The following ADAMTS6 variants were observed in gnomAD, a reference collection of about 807,000 sequenced individuals.
The protein encoded by ADAMTS6 is A disintegrin and metalloproteinase with thrombospondin motifs 6.
A neutral mutation model predicts 144.3 loss-of-function variants in ADAMTS6; 23 were observed. The observed-to-expected ratio is 0.16, with a 90% CI of 0.11 to 0.23. The LOEUF (loss-of-function observed/expected upper bound fraction) is 0.23, where lower values mean the gene tolerates loss of function less well. Among genes scored for constraint, ADAMTS6 ranks in the 10% least tolerant of loss-of-function variants. The pLI is 1.00. For synonymous variants in ADAMTS6, 444 were observed against 457.5 expected (o/e 0.97, Z 0.38); for missense variants, 999 against 1,379.6 (o/e 0.72, Z 4.37).
At chr5:65,329,518 C>A in intron 8 of ADAMTS6, 35 bp from the exon 9 acceptor site, 1 of 1,561,412 alleles carries the variant, frequency 6.4e-7, no homozygotes, top group Non-Finnish European at 8.7e-7. Context: ...AGGGTCAAGC[C>A]AAGGTGTTTC....
chr5:65,288,300 C>CTTTT (rs1741904217), intron 11 of ADAMTS6, among the ~76,000 whole-genome samples: 2 of 144,690 alleles, frequency 1.4e-5, no homozygotes, highest in Non-Finnish European at 3.0e-5. Context: ...TTTCTTTTTT[C>CTTTT]TTTTTTTCTT....
intron 14 of ADAMTS6, among the ~76,000 whole-genome samples, chr5:65,250,939 CAACACT>C (rs1760103973): frequency 6.6e-6 from 1 of 152,160 alleles, no homozygotes; most frequent in African/African-American, 2.4e-5. Context: ...CTAGTATTCA[CAACACT>C]AACCTTTAAC....
At chr5:65,353,784 T>C (rs1013643110) in intron 7 of ADAMTS6, among the ~76,000 whole-genome samples, 1 of 151,954 alleles carries the variant, frequency 6.6e-6, no homozygotes, top group Non-Finnish European at 1.5e-5. Flanking sequence ...CTTTGGCTCA[T>C]CTAAAGGGAG....
At chr5:65,236,285 A>G (rs1758662878) in intron 15 of ADAMTS6, among the ~76,000 whole-genome samples, 1 of 152,174 alleles carries the variant, frequency 6.6e-6, no homozygotes, top group Non-Finnish European at 1.5e-5. Flanking sequence ...ATTCACCAAG[A>G]AAAGAGTATT....
intron 7 of ADAMTS6, among the ~76,000 whole-genome samples, chr5:65,378,168 G>A (rs778543260): frequency 6.6e-6 from 1 of 152,024 alleles, no homozygotes; most frequent in African/African-American, 2.4e-5. Context: ...TCTTTTGGGG[G>A]GATACAATCC....
chr5:65,366,159 T>C lies in ADAMTS6; in HGVS notation c.1074-32074A>G, dbSNP rs1356585406. ...AAAACTAACCTGAAGCAAACACACC[T>C]AACCTGATAAATGCAACCTCCTAAG... is the stretch of plus-strand genomic sequence containing the variant. On this transcript the variant is annotated intron_variant, in intron 7 of 24. Coordinates refer to ENST00000381055, the MANE Select transcript of ADAMTS6 (RefSeq NM_197941.4). Among the ~76,000 whole-genome samples, 3 of 152,138 alleles carry C rather than the reference T, an allele frequency of 2.0e-5. No individual in the cohort carries two copies. The East Asian group carries it at 5.8e-4, about 29-fold the overall frequency.
intron 7 of ADAMTS6, among the ~76,000 whole-genome samples, chr5:65,434,292 T>C (rs1398441959): frequency 1.3e-5 from 2 of 152,082 alleles, no homozygotes; most frequent in Admixed American, 6.5e-5. Flanking sequence ...CATTTTGGGG[T>C]GAGGAAGATG....
intron 9 of ADAMTS6, among the ~76,000 whole-genome samples, chr5:65,316,779 G>A (rs1418097830): frequency 6.6e-6 from 1 of 151,666 alleles, no homozygotes; most frequent in Admixed American, 6.6e-5. Flanking sequence ...ATGATAAAGA[G>A]GTTGATTCAT....
At chr5:65,257,839 C>T (rs1760820874) in intron 14 of ADAMTS6, among the ~76,000 whole-genome samples, 1 of 152,216 alleles carries the variant, frequency 6.6e-6, no homozygotes, top group Non-Finnish European at 1.5e-5. Flanking sequence ...GCATCCCATA[C>T]TGAATCCCAT....
chr5:65,231,614 C>T (rs931233449), intron 15 of ADAMTS6, among the ~76,000 whole-genome samples: 5 of 152,070 alleles, frequency 3.3e-5, no homozygotes, highest in Non-Finnish European at 7.4e-5. Context: ...TTCCAAGATA[C>T]ATACATGTTA....
intron 3 of ADAMTS6, among the ~76,000 whole-genome samples, chr5:65,465,306 G>T (rs1759915878): frequency 6.6e-6 from 1 of 151,962 alleles, no homozygotes; most frequent in South Asian, 2.1e-4. Context: ...CCACCTACCT[G>T]CATCTTATGT....
intron 7 of ADAMTS6, among the ~76,000 whole-genome samples, chr5:65,396,099 ATTAT>A (rs1387425081): frequency 1.3e-5 from 2 of 152,244 alleles, no homozygotes; most frequent in African/African-American, 2.4e-5. Flanking sequence ...GTTTAACCTG[ATTAT>A]TTATTTCATC....
chr5:65,424,173 AC>A (rs746056851), intron 7 of ADAMTS6, among the ~76,000 whole-genome samples: 1 of 151,824 alleles, frequency 6.6e-6, no homozygotes, highest in Non-Finnish European at 1.5e-5. Flanking sequence ...CTTCCTCACC[AC>A]CCCTCTTCCT....
At chr5:65,321,216 A>G (rs1017570362) in intron 9 of ADAMTS6, among the ~76,000 whole-genome samples, 2 of 152,122 alleles carry the variant, frequency 1.3e-5, no homozygotes, top group Non-Finnish European at 2.9e-5. Context: ...GCATCGGTTA[A>G]TTTTGACTTT....
chr5:65,411,843 CT>C (rs1755081858), intron 7 of ADAMTS6, among the ~76,000 whole-genome samples: 1 of 152,138 alleles, frequency 6.6e-6, no homozygotes, highest in Non-Finnish European at 1.5e-5. Flanking sequence ...CTAGAGTGCT[CT>C]TTAGTTCCCT....
In ADAMTS6 at chr5:65,466,329, A is replaced by T. The variant is rs79812229; in HGVS notation, c.462+4449T>A. Among the ~76,000 whole-genome samples the T allele has an allele frequency of 4.4e-3, 676 of 152,256 alleles. 3 individuals carry two copies. The highest frequency in any genetic ancestry group is 0.015 in the African/African-American group (623 of 41,548). On this transcript the variant is annotated intron_variant, in intron 3 of 24. Coordinates refer to ENST00000381055, the MANE Select transcript of ADAMTS6 (RefSeq NM_197941.4). ...TGTTCCTCAAACACTCTAAGATCAT[A>T]TCTTTGTACTTTAAAATTTCTACCT... is the stretch of plus-strand genomic sequence containing the variant.
intron 7 of ADAMTS6, among the ~76,000 whole-genome samples, chr5:65,438,280 C>A (rs1317388801): frequency 6.6e-6 from 1 of 152,182 alleles, no homozygotes; most frequent in African/African-American, 2.4e-5. Flanking sequence ...GTAATCCCAG[C>A]ACTTTGGGAG....
intron 11 of ADAMTS6, among the ~76,000 whole-genome samples, chr5:65,281,951 G>A (rs1178001504): frequency 6.6e-6 from 1 of 152,066 alleles, no homozygotes; most frequent in Non-Finnish European, 1.5e-5. Flanking sequence ...AAAATGGGAA[G>A]AGAAACTCTT....
chr5:65,339,319 C>T (rs1462014216), intron 7 of ADAMTS6, among the ~76,000 whole-genome samples: 10 of 152,042 alleles, frequency 6.6e-5, no homozygotes, highest in Admixed American at 6.5e-4. Flanking sequence ...TAACAGACCC[C>T]ACCAAACTGA....
Sources: gnomAD v4.1 joint callset for allele counts (sites outside exome capture counted in the v4.1 genomes callset) on GRCh38, gnomAD v4.1.1 for gene constraint, MANE v1.5 for transcripts, NCBI Gene and HGNC (gene_info 2026-07-23, HGNC 2026-07-21) for gene names.